Variants in UNC5D observed in about 807,000 individuals in gnomAD.
UNC5D encodes the protein netrin receptor UNC5D.
In UNC5D, 39 loss-of-function variants were observed where a neutral mutation model predicts 105.4. The ratio of observed to expected loss-of-function variants is 0.37; its 90% confidence interval spans 0.29 to 0.48. The LOEUF is 0.48. Among genes scored for constraint, UNC5D ranks in the 20% least tolerant of loss-of-function variants. The probability of loss-of-function intolerance (pLI) is 0.98; values close to 1 mark genes in which losing one functional copy is unlikely to be tolerated. For synonymous variants in UNC5D, 452 were observed against 450.4 expected (o/e 1.00, Z -0.04); for missense variants, 991 against 1,202.4 (o/e 0.82, Z 2.60).
chr8:35,279,673 G>A (rs539948885), intron 1 of UNC5D, among the ~76,000 whole-genome samples: 1 of 152,242 alleles, frequency 6.6e-6, no homozygotes, highest in Admixed American at 6.5e-5. Flanking sequence ...CCTTTAACCT[G>A]ATTACCTCCA....
chr8:35,602,513 C>G (rs1320262513), intron 4 of UNC5D, among the ~76,000 whole-genome samples: 1 of 152,124 alleles, frequency 6.6e-6, no homozygotes, highest in East Asian at 1.9e-4. Flanking sequence ...CAACTTCTTC[C>G]TGGTTTAGCC....
At chr8:35,292,706 CT>C (rs1345936614) in intron 1 of UNC5D, among the ~76,000 whole-genome samples, 33 of 138,862 alleles carry the variant, frequency 2.4e-4, no homozygotes, top group Admixed American at 1.9e-3. Context: ...GTAGTCCCTC[CT>C]TTTTTTTCCT....
At chr8:35,407,395 A>G (rs574049822) in intron 1 of UNC5D, among the ~76,000 whole-genome samples, 6 of 151,952 alleles carry the variant, frequency 3.9e-5, no homozygotes, top group Admixed American at 1.3e-4. Context: ...ACTATTTTTG[A>G]TTTTCTGGTC....
intron 4 of UNC5D, among the ~76,000 whole-genome samples, chr8:35,665,641 T>TA (rs1824374762): frequency 1.1e-5 from 1 of 89,594 alleles, no homozygotes; most frequent in African/African-American, 1.4e-4. Flanking sequence ...GAAGGTGCCA[T>TA]TTTTTTTTTT....
chr8:35,787,308 T>C (rs1802790638), intron 16 of UNC5D, among the ~76,000 whole-genome samples: 4 of 152,210 alleles, frequency 2.6e-5, no homozygotes, highest in Non-Finnish European at 4.4e-5. Flanking sequence ...TGCTGCTTTT[T>C]TGTTGTAGCT....
At chr8:35,318,165 C>T (rs371706301) in intron 1 of UNC5D, among the ~76,000 whole-genome samples, 9 of 151,888 alleles carry the variant, frequency 5.9e-5, no homozygotes, top group East Asian at 5.8e-4. Context: ...CATTTTCATG[C>T]GCTGCCTCCA....
At chr8:35,342,833 A>T (rs996633393) in intron 1 of UNC5D, among the ~76,000 whole-genome samples, 9 of 152,144 alleles carry the variant, frequency 5.9e-5, no homozygotes, top group African/African-American at 2.2e-4. Context: ...CATATATCTA[A>T]CATAGAGGGA....
At position 35,595,577 on chromosome 8, in the gene UNC5D, G is replaced by C. The variant is rs61563786; in HGVS notation, c.490G>C (p.Asp164His). 1 of 1,614,046 alleles carries C rather than the reference G, an allele frequency of 6.2e-7. No individual in the cohort carries two copies. The highest frequency in any genetic ancestry group is 8.5e-7 in the Non-Finnish European group (1 of 1,179,972). Reference protein sequence around the residue: ...IAYLRKNFEQDPQGREVPIEG... With the variant: ...IAYLRKNFEQHPQGREVPIEG... ...AGATTTACGGAAAAACTTTGAACAA[G>C]ACCCACAAGGAAGGGAAGTTCCCAT... is the stretch of plus-strand genomic sequence containing the variant. Residue 164 changes from aspartate to histidine, a missense_variant, in exon 4 of 17, where the codon GAC (aspartate) becomes CAC (histidine). Around this residue, in one of 3 missense-constraint regions of UNC5D, gnomAD observed 944 missense variants for 1,131.6 expected, o/e 0.83. Coordinates refer to ENST00000404895, the MANE Select transcript of UNC5D (RefSeq NM_080872.4).
intron 8 of UNC5D, among the ~76,000 whole-genome samples, chr8:35,717,588 CT>C (rs1465788486): frequency 5.3e-5 from 8 of 152,146 alleles, no homozygotes; most frequent in African/African-American, 1.9e-4. Flanking sequence ...CTGGAGAGTA[CT>C]GTAAAGTCGT....
chr8:35,590,423 A>G (rs1473694789), intron 3 of UNC5D, among the ~76,000 whole-genome samples: 3 of 152,150 alleles, frequency 2.0e-5, no homozygotes, highest in Non-Finnish European at 4.4e-5. Context: ...TGGTATAAAG[A>G]CATTAATCTA....
At chr8:35,739,291 G>A (rs986739044) in intron 11 of UNC5D, among the ~76,000 whole-genome samples, 7 of 152,064 alleles carry the variant, frequency 4.6e-5, no homozygotes, top group African/African-American at 1.4e-4. Context: ...ACCCACCGCC[G>A]GCCCCCACCT....
At chr8:35,579,179 T>A (rs1402610147) in intron 3 of UNC5D, among the ~76,000 whole-genome samples, 1 of 152,192 alleles carries the variant, frequency 6.6e-6, no homozygotes, top group Non-Finnish European at 1.5e-5. Flanking sequence ...TAATATTACC[T>A]TAGTTAATCT....
chr8:35,491,810 C>T (rs1811231273), intron 1 of UNC5D, among the ~76,000 whole-genome samples: 1 of 152,152 alleles, frequency 6.6e-6, no homozygotes, highest in Non-Finnish European at 1.5e-5. Context: ...ATTTATTCTA[C>T]TCTTAGACCT....
At chr8:35,653,468 G>A (rs547640184) in intron 4 of UNC5D, among the ~76,000 whole-genome samples, 1 of 152,270 alleles carries the variant, frequency 6.6e-6, no homozygotes, top group South Asian at 2.1e-4. Flanking sequence ...GTAGGTTCAC[G>A]TTTGAGTCCT....
At chr8:35,278,842 TC>T (rs1299376886) in intron 1 of UNC5D, among the ~76,000 whole-genome samples, 1 of 152,156 alleles carries the variant, frequency 6.6e-6, no homozygotes, top group Admixed American at 6.5e-5. Flanking sequence ...CCTATATTCA[TC>T]TTACAAAGCT....
chr8:35,525,589 T>C, intron 1 of UNC5D: 1 of 1,613,222 alleles, frequency 6.2e-7, no homozygotes, highest in South Asian at 1.1e-5. Flanking sequence ...TACTGTAAGT[T>C]TATGAGCAAG....
intron 8 of UNC5D, among the ~76,000 whole-genome samples, chr8:35,716,810 A>G (rs1266628189): frequency 2.6e-5 from 4 of 152,234 alleles, no homozygotes; most frequent in Non-Finnish European, 5.9e-5. Context: ...TAACTACTTA[A>G]AAGCTATTTT....
chr8:35,628,470 A>G (rs1191135601), intron 4 of UNC5D, among the ~76,000 whole-genome samples: 1 of 152,174 alleles, frequency 6.6e-6, no homozygotes, highest in Non-Finnish European at 1.5e-5. Flanking sequence ...GTCATCAACT[A>G]AAAACACATC....
intron 4 of UNC5D, among the ~76,000 whole-genome samples, chr8:35,643,070 T>C (rs1822847188): frequency 1.3e-5 from 2 of 152,144 alleles, no homozygotes; most frequent in African/African-American, 4.8e-5. Context: ...AGAGTTACTC[T>C]CCCTGATTCA....
Sources: allele counts gnomAD v4.1 joint callset (sites outside exome capture counted in the v4.1 genomes callset), GRCh38; gene constraint gnomAD v4.1.1; regional missense constraint gnomAD v4.1.1; transcripts MANE v1.5; gene names NCBI Gene and HGNC (gene_info 2026-07-23, HGNC 2026-07-21).